Variants in SYNJ2 observed in about 807,000 individuals in gnomAD.
SYNJ2 encodes synaptojanin 2, also known as polyphosphatidylinositol phosphatase SYNJ2.
A neutral mutation model predicts 141.3 loss-of-function variants in SYNJ2; 116 were observed. The ratio of observed to expected loss-of-function variants is 0.82; its 90% CI spans 0.71 to 0.96. SYNJ2 has a LOEUF of 0.96. Ranked by LOEUF, SYNJ2 falls within the 40% of genes least tolerant of loss-of-function variation. The pLI is 0.00. For synonymous variants in SYNJ2, 745 were observed against 777.7 expected (o/e 0.96, Z 0.70); for missense variants, 1,873 against 1,934.8 (o/e 0.97, Z 0.60).
At position 158,096,162 on chromosome 6, in the gene SYNJ2, T is replaced by C; in HGVS notation, c.4289T>C (p.Leu1430Pro). ...CCTAAACTGTTGAATAACACTTGGC[T>C]TTCTAAGAGCTCAGACCCTTTGGAC... ...HHPKLLNNTW[L>P]SKSSDPLDSG... The change falls in exon 27 of 27, where the codon CTT (leucine) becomes CCT (proline). Residue 1430 changes from leucine to proline, a missense_variant. Leu to Pro is a moderately conservative substitution (Grantham distance 98, BLOSUM62 -3). Coordinates refer to ENST00000355585, the MANE Select transcript of SYNJ2 (RefSeq NM_003898.4). The C allele has an allele frequency of 6.2e-7, 1 of 1,614,236 alleles. No homozygotes were observed. Among genetic ancestry groups the C allele is most frequent in the Non-Finnish European group, 8.5e-7 (1 of 1,180,038 alleles).
rs1370763624 is a variant in SYNJ2, at chr6:158,054,956, C to T, written c.796-11C>T. ...AGGAAGAATCACTGTTGTTACTTCT[C>T]TTTGCTTTAGGTTGGCTCCCATCAT... On this transcript the variant is annotated splice_polypyrimidine_tract_variant and intron_variant, in intron 5 of 26. Coordinates refer to ENST00000355585, the MANE Select transcript of SYNJ2 (RefSeq NM_003898.4). 6.2e-7 allele frequency: 1 copy of T among 1,613,976 alleles called. No homozygotes were observed. The highest frequency in any genetic ancestry group is 8.5e-7 in the Non-Finnish European group (1 of 1,179,950).
intron 2 of SYNJ2, chr6:158,017,513 C>T: frequency 3.5e-6 from 2 of 571,430 alleles, no homozygotes; most frequent in Non-Finnish European, 5.9e-6. Context: ...CTCCTGGGTT[C>T]AAGCAATTCT....
At chr6:158,068,612 T>C (rs1282651439) in intron 12 of SYNJ2, 35 bp from the exon 13 acceptor site, 2 of 1,613,546 alleles carry the variant, frequency 1.2e-6, no homozygotes, top group South Asian at 2.2e-5. Flanking sequence ...GACTTGGCGG[T>C]TCTGACTTCT....
intron 15 of SYNJ2, among the ~76,000 whole-genome samples, chr6:158,072,082 AT>A (rs1781966335): frequency 6.6e-6 from 1 of 152,192 alleles, no homozygotes; most frequent in Non-Finnish European, 1.5e-5. Flanking sequence ...TGATTTTCTA[AT>A]TCAAGTGATG....
rs61748684 is a variant in SYNJ2 at position 158,086,983 on chromosome 6, C to G, written c.3337C>G (p.Pro1113Ala). ...ACCTCAACCCCCGCAGAGACCCCCCCCTCCAAGTAAGACTCTGCTTGCTTT... is the reference window on the plus strand; with the variant it reads ...ACCTCAACCCCCGCAGAGACCCCCCGCTCCAAGTAAGACTCTGCTTGCTTT... The part of the protein sequence containing the change: ...RPPQPPQRPP[P>A]PTGLMVKKSA... Residue 1113 changes from proline (P) to alanine (A), a missense_variant, in exon 23 of 27, where the codon CCT (proline) becomes GCT (alanine). By Grantham distance (27) the Pro-to-Ala change is conservative. Coordinates refer to ENST00000355585, the MANE Select transcript of SYNJ2 (RefSeq NM_003898.4). 31 of 1,502,778 alleles carry G rather than the reference C, an allele frequency of 2.1e-5. No homozygotes were observed. Among genetic ancestry groups the G allele is most frequent in the Admixed American group, 8.7e-5 (5 of 57,362 alleles). The allele number at this position is 1,502,778 out of a possible 1,614,324, so 93.1% of individuals were successfully genotyped here. A position where few individuals can be genotyped will look rare whatever the true frequency, so the allele number is the denominator to read the frequency against.
chr6:158,085,909 G>T (rs1783001756), intron 22 of SYNJ2, among the ~76,000 whole-genome samples: 1 of 151,952 alleles, frequency 6.6e-6, no homozygotes, highest in Admixed American at 6.6e-5. Context: ...TGGCTGGAGG[G>T]ATGTGCTCTT....
In SYNJ2 at chr6:158,096,083, GCAGCCC is replaced by G; in HGVS notation, c.4213_4218del (p.Ala1405_Pro1406del). The stretch of plus-strand genomic sequence containing the variant: ...TGGCACCAAAGCGATGAAGCCAGAG[GCAGCCC>G]CACTTCTTGGTGATTATCAGGACCC... On this transcript the variant is annotated inframe_deletion, in exon 27 of 27. Coordinates refer to ENST00000355585, the MANE Select transcript of SYNJ2 (RefSeq NM_003898.4). The G allele has an allele frequency of 6.2e-7, 1 of 1,614,236 alleles. No individual in the cohort carries two copies. The highest frequency in any genetic ancestry group is 8.5e-7 in the Non-Finnish European group (1 of 1,180,042).
chr6:158,074,843 C>A, intron 16 of SYNJ2, 105 bp downstream of exon 16: 1 of 1,337,596 alleles, frequency 7.5e-7, no homozygotes, highest in Non-Finnish European at 1.0e-6. Context: ...GAGTGGATTT[C>A]ACTGTTTCCA....
Position 158,064,626 on chromosome 6 carries a change from TGGG to T in SYNJ2, c.1237_1239del (p.Gly413del). 1 of 1,614,020 alleles carries T rather than the reference TGGG, an allele frequency of 6.2e-7. No individual in the cohort carries two copies. Among genetic ancestry groups the T allele is most frequent in the Non-Finnish European group, 8.5e-7 (1 of 1,180,010 alleles). Reference sequence around the variant, plus strand: ...GTCCTGCATCTGCAGCTCAAGACCCTGGGGCTGAGTTCAAAACCCATCGTTGAC... The same window carrying T: ...GTCCTGCATCTGCAGCTCAAGACCCTGCTGAGTTCAAAACCCATCGTTGAC... On this transcript the variant is annotated inframe_deletion, in exon 10 of 27. Transcript: ENST00000355585.
intron 20 of SYNJ2, among the ~76,000 whole-genome samples, chr6:158,083,014 C>T (rs1782797564): frequency 6.6e-6 from 1 of 152,020 alleles, no homozygotes; most frequent in East Asian, 1.9e-4. Context: ...CTCACCGCAG[C>T]TTCCGCCTCC....
intron 23 of SYNJ2, 26 bp from the exon 24 acceptor site, chr6:158,088,634 G>A: frequency 1.3e-6 from 2 of 1,578,882 alleles, no homozygotes; most frequent in Non-Finnish European, 1.7e-6. Flanking sequence ...CTGAGATTGA[G>A]ACTCTGCCCT....
In SYNJ2 at chr6:158,040,343, CAT is replaced by C. The variant is rs537066921; in HGVS notation, c.712-2972_712-2971del. Among the ~76,000 whole-genome samples the C allele has an allele frequency of 6.0e-4, 91 of 152,170 alleles. No homozygotes were observed. Among genetic ancestry groups the C allele is most frequent in the South Asian group, 1.5e-3 (7 of 4,820 alleles). On this transcript the variant is annotated intron_variant, in intron 4 of 26. Transcript: ENST00000355585. This position sits in a 1 kb window ranked among gnomAD's most constrained non-coding sequence, Gnocchi z 4.2. ...TGTGCATTTATGTGTTGTATACACA[CAT>C]GTGTGGGTTGTGTATGTGTTGTGTG...
rs770144735 is a variant in SYNJ2, at chr6:158,088,778, T to G, written c.3456+6T>G. The G allele has an allele frequency of 4.4e-6, 7 of 1,595,716 alleles. No individual in the cohort carries two copies. The highest frequency in any genetic ancestry group is 1.1e-5 in the South Asian group (1 of 90,762). ...CAGGAGCACCTCAGCAACCTGTGAGTTCTTCTGCATACATTTCAATCCCAA... is the reference window on the plus strand; with the variant it reads ...CAGGAGCACCTCAGCAACCTGTGAGGTCTTCTGCATACATTTCAATCCCAA... On this transcript the variant is annotated splice_donor_region_variant and intron_variant, in intron 24 of 26. Transcript: ENST00000355585.
chr6:158,066,721 G>A, intron 12 of SYNJ2, 86 bp downstream of exon 12: 1 of 1,488,774 alleles, frequency 6.7e-7, no homozygotes, highest in Admixed American at 1.8e-5. Context: ...CCATCGTCTT[G>A]TGGAATTTCA....
intron 20 of SYNJ2, among the ~76,000 whole-genome samples, 182 bp downstream of exon 20, chr6:158,081,692 G>A (rs1782702187): frequency 7.5e-6 from 1 of 132,564 alleles, no homozygotes. Context: ...TGCAATCACA[G>A]CTCGCTGCAG....
chr6:158,074,721 C>T lies in SYNJ2; in HGVS notation c.2275C>T (p.Gln759Ter). Residue 759 changes from glutamine to a stop codon, truncating the protein, a stop_gained, in exon 16 of 27, where the codon CAG becomes TAG. Transcript: ENST00000355585. LOFTEE classifies it high-confidence loss of function. ...KLLEFDQLQL[Q>*]KSSGKIFKDF... The stretch of plus-strand genomic sequence containing the variant: ...TCTGGAATTTGATCAACTACAGCTA[C>T]AGAAATCAAGTGGAAAAGTAAGTTG... 6.2e-7 allele frequency: 1 copy of T among 1,611,756 alleles called. No homozygotes were observed. Among genetic ancestry groups the T allele is most frequent in the Non-Finnish European group, 8.5e-7 (1 of 1,179,586 alleles).
chr6:158,076,153 A>G (rs559648844), intron 16 of SYNJ2, among the ~76,000 whole-genome samples: 1 of 152,326 alleles, frequency 6.6e-6, no homozygotes, highest in South Asian at 2.1e-4. Flanking sequence ...GCACCACTGT[A>G]TTCCAGCCTG....
At chr6:157,983,944 C>T (rs1176216125) in intron 1 of SYNJ2, among the ~76,000 whole-genome samples, 2 of 152,214 alleles carry the variant, frequency 1.3e-5, no homozygotes, top group Admixed American at 1.3e-4. Flanking sequence ...CCTCCTGCCT[C>T]AGCCTCCTGA....
chr6:158,096,160 GCTTT>G lies in SYNJ2; in HGVS notation c.4290_4293del (p.Ser1431ArgfsTer18). The G allele has an allele frequency of 1.2e-6, 2 of 1,614,224 alleles. 1 individual carries two copies. The highest frequency in any genetic ancestry group is 2.2e-5 in the South Asian group (2 of 91,088). On this transcript the variant is annotated frameshift_variant, in exon 27 of 27. Transcript: ENST00000355585. LOFTEE classifies it low-confidence loss of function (END_TRUNC). ...ACCCTAAACTGTTGAATAACACTTGGCTTTCTAAGAGCTCAGACCCTTTGGACTC... is the reference window on the plus strand; with the variant it reads ...ACCCTAAACTGTTGAATAACACTTGGCTAAGAGCTCAGACCCTTTGGACTC...
Sources: allele counts gnomAD v4.1 joint callset (sites outside exome capture counted in the v4.1 genomes callset), GRCh38; gene constraint gnomAD v4.1.1; non-coding constraint Gnocchi (gnomAD v3.1); transcripts MANE v1.5; gene names NCBI Gene and HGNC (gene_info 2026-07-23, HGNC 2026-07-21).